SPOCK3: variants seen among roughly 807,000 people sequenced by gnomAD.
SPOCK3 encodes SPARC (osteonectin), cwcv and kazal like domains proteoglycan 3, also known as testican-3.
Under a neutral mutation model 56.6 loss-of-function variants are expected in SPOCK3, and 30 were observed. That is an observed-to-expected ratio of 0.53 (90% confidence interval 0.40 to 0.72). The LOEUF (loss-of-function observed/expected upper bound fraction) is 0.72. Among genes scored for constraint, SPOCK3 ranks in the 30% least tolerant of loss-of-function variants. SPOCK3 has a pLI of 0.00. For missense variants in SPOCK3, 527 were observed against 530.0 expected (o/e 0.99, Z 0.06); for synonymous variants, 196 against 183.3 (o/e 1.07, Z -0.56).
Position 167,125,083 on chromosome 4 carries a change from CTAT to C in SPOCK3, c.190-62549_190-62547del, listed in dbSNP as rs1296208554. On this transcript the variant is annotated intron_variant, in intron 2 of 10. Transcript: ENST00000357545. ...AAAATTTAGTTTCGTCCCTTGCTTA[CTAT>C]ATTTTTTCCATAGTACTAATTAAGA... is the stretch of plus-strand genomic sequence containing the variant. Among the ~76,000 whole-genome samples the C allele has an allele frequency of 7.9e-5, 12 of 151,952 alleles. 1 individual carries two copies. The highest frequency in any genetic ancestry group is 7.2e-4 in the Admixed American group (11 of 15,256).
At chr4:166,916,517 A>G (rs1737869903) in intron 4 of SPOCK3, among the ~76,000 whole-genome samples, 1 of 152,150 alleles carries the variant, frequency 6.6e-6, no homozygotes. Context: ...TTACTCATTT[A>G]TGTTCTACTT....
At chr4:167,122,924 C>T (rs952715211) in intron 2 of SPOCK3, among the ~76,000 whole-genome samples, 6 of 151,530 alleles carry the variant, frequency 4.0e-5, no homozygotes, top group Admixed American at 6.6e-5. Flanking sequence ...CTTAAAATAA[C>T]GGTAACTAGC....
intron 2 of SPOCK3, among the ~76,000 whole-genome samples, chr4:167,195,422 A>C (rs1320490867): frequency 6.6e-6 from 1 of 152,200 alleles, no homozygotes; most frequent in South Asian, 2.1e-4. Context: ...TTAGGAGTGC[A>C]GAACTGTTGA....
intron 4 of SPOCK3, among the ~76,000 whole-genome samples, chr4:166,929,907 TATA>T (rs201018966): frequency 0.03 from 4,530 of 152,234 alleles, 222 homozygotes; most frequent in African/African-American, 0.1. Context: ...AATTAAAAGT[TATA>T]ATAACTATCA....
intron 7 of SPOCK3, among the ~76,000 whole-genome samples, chr4:166,771,141 C>T (rs1007720059): frequency 5.3e-5 from 8 of 150,650 alleles, no homozygotes; most frequent in African/African-American, 1.9e-4. Flanking sequence ...CCAATAGTAG[C>T]TATTGTTTAA....
At chr4:167,110,276 C>T (rs1240405356) in intron 2 of SPOCK3, among the ~76,000 whole-genome samples, 1 of 152,066 alleles carries the variant, frequency 6.6e-6, no homozygotes, top group East Asian at 1.9e-4. Context: ...AATATCTCCT[C>T]TCCCATCTTT....
intron 6 of SPOCK3, among the ~76,000 whole-genome samples, chr4:166,887,648 T>C (rs1452937721): frequency 2.6e-5 from 4 of 151,874 alleles, no homozygotes; most frequent in African/African-American, 9.7e-5. Flanking sequence ...TTGGAGGAGA[T>C]GAGGGCTGAG....
intron 3 of SPOCK3, among the ~76,000 whole-genome samples, chr4:167,056,611 G>A (rs1489682729): frequency 6.6e-6 from 1 of 152,188 alleles, no homozygotes; most frequent in African/African-American, 2.4e-5. Flanking sequence ...GGAGCTGAAA[G>A]CCAAGGCTCG....
intron 6 of SPOCK3, among the ~76,000 whole-genome samples, chr4:166,868,180 G>T (rs1732056078): frequency 6.6e-6 from 1 of 151,750 alleles, no homozygotes; most frequent in South Asian, 2.1e-4. Flanking sequence ...GCTCACACAT[G>T]TAATCGCAAC....
chr4:167,209,726 A>T (rs1378628943), intron 2 of SPOCK3, among the ~76,000 whole-genome samples: 1 of 152,172 alleles, frequency 6.6e-6, no homozygotes, highest in African/African-American at 2.4e-5. Context: ...TGTGCTTAGA[A>T]CACTAGCAAA....
chr4:166,843,769 A>G (rs1239627563), intron 6 of SPOCK3, among the ~76,000 whole-genome samples: 1 of 152,220 alleles, frequency 6.6e-6, no homozygotes, highest in East Asian at 1.9e-4. Flanking sequence ...ATGCAATAAG[A>G]AAATAATACA....
chr4:166,883,181 T>G (rs1048675431), intron 6 of SPOCK3: 8 of 152,206 alleles, frequency 5.3e-5, no homozygotes, highest in Non-Finnish European at 1.2e-4. Flanking sequence ...TCAATAATAC[T>G]TTTTCCTTAA....
chr4:166,815,770 C>A (rs965736776), intron 6 of SPOCK3, among the ~76,000 whole-genome samples: 1 of 151,980 alleles, frequency 6.6e-6, no homozygotes, highest in African/African-American at 2.4e-5. Flanking sequence ...GCAAGACCTT[C>A]TCTCTTAAAT....
intron 2 of SPOCK3, among the ~76,000 whole-genome samples, chr4:167,082,074 C>T (rs1443682616): frequency 3.9e-5 from 6 of 152,188 alleles, no homozygotes; most frequent in Admixed American, 3.3e-4. Flanking sequence ...CTCACAAATA[C>T]ATCATCTGAG....
At chr4:167,187,007 C>G (rs1016881821) in intron 2 of SPOCK3, among the ~76,000 whole-genome samples, 1 of 151,048 alleles carries the variant, frequency 6.6e-6, no homozygotes, top group Non-Finnish European at 1.5e-5. Context: ...AGACAGTAGT[C>G]CACTTGCTAT....
intron 4 of SPOCK3, among the ~76,000 whole-genome samples, chr4:166,994,407 G>T (rs776751000): frequency 2.0e-5 from 3 of 152,088 alleles, no homozygotes; most frequent in Admixed American, 6.6e-5. Flanking sequence ...GGGCTAAACT[G>T]TGAAGCCAGG....
At chr4:167,230,527 T>C (rs986736202) in intron 2 of SPOCK3, among the ~76,000 whole-genome samples, 11 of 146,174 alleles carry the variant, frequency 7.5e-5, no homozygotes, top group African/African-American at 1.8e-4. Flanking sequence ...AAAACCAGCA[T>C]GTAACCAGTA....
At chr4:166,830,467 A>G (rs2126791789) in intron 6 of SPOCK3, among the ~76,000 whole-genome samples, 1 of 152,262 alleles carries the variant, frequency 6.6e-6, no homozygotes, top group East Asian at 1.9e-4. Flanking sequence ...CGACAAGTGC[A>G]GGGCGCAGTG....
At chr4:167,077,419 GA>G (rs1257717346) in intron 2 of SPOCK3, among the ~76,000 whole-genome samples, 2 of 151,770 alleles carry the variant, frequency 1.3e-5, no homozygotes, top group Non-Finnish European at 2.9e-5. Flanking sequence ...AAATGCACAA[GA>G]TGTTCTTATC....
Sources: gnomAD v4.1 joint callset for allele counts (sites outside exome capture counted in the v4.1 genomes callset) on GRCh38, gnomAD v4.1.1 for gene constraint, MANE v1.5 for transcripts, NCBI Gene and HGNC (gene_info 2026-07-23, HGNC 2026-07-21) for gene names.